The following PMS2 variants were observed in gnomAD, a reference collection of about 807,000 sequenced individuals.
PMS2 encodes mismatch repair endonuclease PMS2.
PMS2 carries 69 observed loss-of-function variants against 90.0 expected under a neutral mutation model. The ratio of observed to expected loss-of-function variants is 0.77; its 90% CI spans 0.63 to 0.94. The LOEUF (loss-of-function observed/expected upper bound fraction) is 0.94, where lower values mean the gene tolerates loss of function less well. Ranked by LOEUF, PMS2 falls within the 40% of genes least tolerant of loss-of-function variation. PMS2 has a pLI of 0.00. For missense variants in PMS2, 966 were observed against 1,040.2 expected (o/e 0.93, Z 0.98); for synonymous variants, 332 against 375.1 (o/e 0.89, Z 1.33).
intron 14 of PMS2, 41 bp downstream of exon 14, chr7:5,977,547 G>A (rs1349721388): frequency 1.5e-6 from 2 of 1,308,446 alleles, no homozygotes; most frequent in African/African-American, 1.4e-5. Context: ...TCGACTGCAA[G>A]CTTGAGCAGC....
Position 5,987,447 on chromosome 7 carries a change from G to C in PMS2, c.1318C>G (p.Pro440Ala), listed in dbSNP as rs762894051. The C allele has an allele frequency of 1.9e-6, 3 of 1,614,128 alleles. No homozygotes were observed. In the East Asian group the frequency reaches 6.7e-5, roughly 36 times the overall value. The change falls in exon 11 of 15, where the codon CCA becomes GCA. Residue 440 changes from proline (P) to alanine (A), a missense_variant. Coordinates refer to ENST00000265849, the MANE Select transcript of PMS2 (RefSeq NM_000535.7). ...TENKPHSPKTPEPRRSPLGQK... is the reference protein window; with the variant it reads ...TENKPHSPKTAEPRRSPLGQK... Reference sequence around the variant, plus strand: ...CCTAGAGGGCTCCTTCTTGGTTCTGGAGTCTTTGGGCTGTGAGGCTTGTTC... The same window carrying C: ...CCTAGAGGGCTCCTTCTTGGTTCTGCAGTCTTTGGGCTGTGAGGCTTGTTC...
chr7:5,978,344 C>T (rs1168732123), intron 13 of PMS2, among the ~76,000 whole-genome samples: 1 of 147,122 alleles, frequency 6.8e-6, no homozygotes, highest in African/African-American at 2.5e-5. Context: ...GATCTCGGCT[C>T]ACTGCAACCT....
chr7:5,999,898 T>C (rs58026649), intron 5 of PMS2, among the ~76,000 whole-genome samples: 8,621 of 152,220 alleles, frequency 0.057, 577 homozygotes, highest in East Asian at 0.35. Context: ...CACAAGCATT[T>C]TGGTATGCAA....
intron 1 of PMS2, among the ~76,000 whole-genome samples, chr7:6,007,884 G>A (rs1319983507): frequency 3.5e-5 from 5 of 141,302 alleles, no homozygotes; most frequent in South Asian, 4.4e-4. Flanking sequence ...TTTTGAGACC[G>A]AGTCTTGCTG....
At chr7:5,998,458 C>T (rs1392910868) in intron 6 of PMS2, among the ~76,000 whole-genome samples, 1 of 150,216 alleles carries the variant, frequency 6.7e-6, no homozygotes, top group East Asian at 2.0e-4. Context: ...TTTGGGAGGC[C>T]GAGGCAGGCG....
chr7:5,997,398 T>C lies in PMS2; in HGVS notation c.731A>G (p.Gln244Arg), dbSNP rs758915031. The C allele has an allele frequency of 6.3e-7, 1 of 1,595,290 alleles. No homozygotes were observed. The highest frequency in any genetic ancestry group is 1.1e-5 in the South Asian group (1 of 89,876). ...ACACACGGAGTCACTAGGGGGCAGC[T>C]GAACAAAAGGAATGAGGCTTTGCAA... ...KQLQSLIPFV[Q>R]LPPSDSVCEE... The change falls in exon 7 of 15, where the codon CAG (glutamine) becomes CGG (arginine). Residue 244 changes from glutamine to arginine, a missense_variant. Gln to Arg is a conservative substitution (Grantham distance 43). This residue lies in a region of PMS2 where 871 missense variants were observed against 802.4 expected (regional missense o/e 1.09). Coordinates refer to ENST00000265849, the MANE Select transcript of PMS2 (RefSeq NM_000535.7).
chr7:5,983,527 C>T lies in PMS2; in HGVS notation c.2007-536G>A, dbSNP rs879585372. The stretch of plus-strand genomic sequence containing the variant: ...ATATATCCTTCTAGACCCTTGTCTC[C>T]ATATATAATTTTTTTTAATTTTAAA... On this transcript the variant is annotated intron_variant, in intron 11 of 14. Coordinates refer to ENST00000265849, the MANE Select transcript of PMS2 (RefSeq NM_000535.7). Among the ~76,000 whole-genome samples, 130 of 150,032 alleles carry T rather than the reference C, an allele frequency of 8.7e-4. 1 individual carries two copies. The highest frequency in any genetic ancestry group is 2.6e-3 in the Admixed American group (39 of 15,166).
At chr7:5,985,243 G>A (rs962859369) in intron 11 of PMS2, among the ~76,000 whole-genome samples, 5 of 150,110 alleles carry the variant, frequency 3.3e-5, no homozygotes, top group South Asian at 2.1e-4. Flanking sequence ...GACTACAGGC[G>A]TACAGCAATG....
chr7:5,975,909 TG>T, intron 14 of PMS2, among the ~76,000 whole-genome samples: 1 of 117,692 alleles, frequency 8.5e-6, no homozygotes, highest in Admixed American at 9.1e-5. Context: ...CCATCTCACC[TG>T]GTCACCATGT....
In PMS2 at chr7:5,978,603, A is replaced by G; in HGVS notation, c.2268T>C (p.Asp756=). The G allele has an allele frequency of 6.2e-7, 1 of 1,602,128 alleles. No individual in the cohort carries two copies. The highest frequency in any genetic ancestry group is 8.5e-7 in the Non-Finnish European group (1 of 1,172,134). ...FRKNGFDFVI[D]ENAPVTERAK... ...TTCTAATTAATAACTTACCATTTTCATCGATAACAAAATCAAAGCCATTCT... is the reference window on the plus strand; with the variant it reads ...TTCTAATTAATAACTTACCATTTTCGTCGATAACAAAATCAAAGCCATTCT... Residue 756 remains aspartate (D), a synonymous_variant, in exon 13 of 15, where the codon GAT becomes GAC. Coordinates refer to ENST00000265849, the MANE Select transcript of PMS2 (RefSeq NM_000535.7).
rs115052399 is a variant in PMS2, at chr7:5,987,156, C to T, written c.1609G>A (p.Glu537Lys). ...GAGTCGTCAGTTTTAGGCGCTTTCTCCTGAGAGTCCACATGTTCCTGCGAG... is the reference window on the plus strand; with the variant it reads ...GAGTCGTCAGTTTTAGGCGCTTTCTTCTGAGAGTCCACATGTTCCTGCGAG... The part of the protein sequence containing the change: ...RGSQEHVDSQ[E>K]KAPKTDDSFS... The change falls in exon 11 of 15, where the codon GAG becomes AAG. Residue 537 changes from glutamate (E) to lysine (K), a missense_variant. By Grantham distance (56) the Glu-to-Lys change is moderately conservative (BLOSUM62 1). Transcript: ENST00000265849. 6.6e-4 allele frequency: 1,064 copies of T among 1,613,950 alleles called. 7 individuals are homozygous for T. The African/African-American group carries it at 0.013, about 20-fold the overall frequency.
intron 2 of PMS2, among the ~76,000 whole-genome samples, chr7:6,004,864 T>C (rs1303351432): frequency 6.6e-6 from 1 of 152,188 alleles, no homozygotes; most frequent in East Asian, 1.9e-4. Flanking sequence ...CTCATAAAGT[T>C]ATTCTGCAGA....
chr7:6,008,676 A>G (rs1201134515), intron 1 of PMS2, among the ~76,000 whole-genome samples: 1 of 152,142 alleles, frequency 6.6e-6, no homozygotes, highest in Non-Finnish European at 1.5e-5. Context: ...GTCTATGGGG[A>G]TTTCACGCTC....
At chr7:6,008,145 C>T (rs1382430442) in intron 1 of PMS2, among the ~76,000 whole-genome samples, 1 of 152,174 alleles carries the variant, frequency 6.6e-6, no homozygotes, top group Non-Finnish European at 1.5e-5. Context: ...GCGTGAGTCA[C>T]CGCTCTCGGC....
intron 14 of PMS2, among the ~76,000 whole-genome samples, chr7:5,976,357 T>C (rs1781652018): frequency 7.0e-6 from 1 of 143,502 alleles, no homozygotes; most frequent in Admixed American, 7.1e-5. Context: ...GGGCAGGGGC[T>C]GCAGCCGCCT....
Position 5,989,809 on chromosome 7 carries a change from C to G in PMS2, c.1135G>C (p.Asp379His), listed in dbSNP as rs2128746966. 6.2e-7 allele frequency: 1 copy of G among 1,611,708 alleles called. No individual in the cohort carries two copies. The highest frequency in any genetic ancestry group is 8.5e-7 in the Non-Finnish European group (1 of 1,178,080). ...ACTGTATTTTTCTTACCTTCAACAT[C>G]CAGCAGTGGCTGCTGACTGACATTT... ...KLNVSQQPLL[D>H]VEGNLIKMHA... The change falls in exon 10 of 15, where the codon GAT (aspartate) becomes CAT (histidine). Residue 379 changes from aspartate to histidine, a missense_variant. By Grantham distance (81) the Asp-to-His change is moderately conservative. Coordinates refer to ENST00000265849, the MANE Select transcript of PMS2 (RefSeq NM_000535.7).
chr7:5,994,564 G>A (rs1424789492), intron 8 of PMS2, among the ~76,000 whole-genome samples: 3 of 151,940 alleles, frequency 2.0e-5, no homozygotes, highest in Non-Finnish European at 4.4e-5. Context: ...ACGAGGTCAG[G>A]AGATCAAAAC....
chr7:5,999,313 TTAATATTATAG>T, intron 5 of PMS2, 38 bp from the exon 6 acceptor site: 1 of 1,565,656 alleles, frequency 6.4e-7, no homozygotes, highest in Non-Finnish European at 8.8e-7. Flanking sequence ...CTACATTACT[TTAATATTATAG>T]GAATTACACA....
At chr7:6,001,463 C>T (rs1318003640) in intron 5 of PMS2, among the ~76,000 whole-genome samples, 2 of 151,702 alleles carry the variant, frequency 1.3e-5, no homozygotes, top group East Asian at 1.9e-4. Context: ...CTCTGCCTCC[C>T]GGATTCCAGC....
Sources: allele counts gnomAD v4.1 joint callset (sites outside exome capture counted in the v4.1 genomes callset), GRCh38; gene constraint gnomAD v4.1.1; regional missense constraint gnomAD v4.1.1; transcripts MANE v1.5; gene names NCBI Gene and HGNC (gene_info 2026-07-23, HGNC 2026-07-21).